Variants in ZNF536 observed in about 807,000 individuals in gnomAD.
ZNF536 encodes the protein zinc finger protein 536.
Under a neutral mutation model 84.5 loss-of-function variants are expected in ZNF536, and 13 were observed. The observed-to-expected ratio is 0.15, with a 90% CI of 0.10 to 0.24. The LOEUF (loss-of-function observed/expected upper bound fraction) is 0.24, where lower values mean the gene tolerates loss of function less well. Ranked by LOEUF, ZNF536 falls within the 10% of genes least tolerant of loss-of-function variation. ZNF536 has a pLI of 1.00. For synonymous variants in ZNF536, 811 were observed against 742.5 expected, an observed-to-expected ratio of 1.09 and a Z score of -1.50; for missense variants, 1,536 against 1,747.5, an observed-to-expected ratio of 0.88 and a Z score of 2.16.
intron 1 of ZNF536, among the ~76,000 whole-genome samples, chr19:30,708,886 T>C (rs1286654412): frequency 6.6e-6 from 1 of 152,186 alleles, no homozygotes; most frequent in Admixed American, 6.5e-5. Context: ...GTGCTGAATA[T>C]GTGTTTGCTT....
intron 2 of ZNF536, among the ~76,000 whole-genome samples, chr19:30,460,022 A>G (rs1439672122): frequency 6.6e-6 from 1 of 152,204 alleles, no homozygotes; most frequent in African/African-American, 2.4e-5. Flanking sequence ...CGGCAACCCC[A>G]TGGACTTACC....
rs184520043 is a variant in ZNF536, at chr19:30,453,480, G to A, written c.2170+7748G>A. On this transcript the variant is annotated intron_variant, in intron 2 of 4. Transcript: ENST00000355537. The stretch of plus-strand genomic sequence containing the variant: ...TATATTGTGAGTATGATGGGGTGGC[G>A]CCAGCCGGGATTGGTCAGTGACTGT... Among the ~76,000 whole-genome samples the A allele has an allele frequency of 5.6e-3, 853 of 152,308 alleles. 4 individuals carry two copies. Among genetic ancestry groups the A allele is most frequent in the African/African-American group, 0.019 (796 of 41,584 alleles).
intron 2 of ZNF536, among the ~76,000 whole-genome samples, chr19:30,493,876 A>G (rs2054610063): frequency 6.6e-6 from 1 of 152,170 alleles, no homozygotes; most frequent in African/African-American, 2.4e-5. Flanking sequence ...GTTGAGCTCA[A>G]GTTTTCTAGG....
chr19:30,255,134 G>A (rs1166308441), intron 1 of ZNF536, among the ~76,000 whole-genome samples: 1 of 152,044 alleles, frequency 6.6e-6, no homozygotes, highest in Non-Finnish European at 1.5e-5. Context: ...CTCAAGATAG[G>A]GGCAATGATA....
At chr19:30,685,464 T>C (rs2051139532) in intron 1 of ZNF536, among the ~76,000 whole-genome samples, 1 of 151,998 alleles carries the variant, frequency 6.6e-6, no homozygotes, top group African/African-American at 2.4e-5. Flanking sequence ...AACCAAACTC[T>C]GGTATCCCCA....
intron 1 of ZNF536, among the ~76,000 whole-genome samples, chr19:30,398,572 A>G (rs1027112556): frequency 3.3e-5 from 5 of 151,922 alleles, no homozygotes; most frequent in African/African-American, 1.2e-4. Flanking sequence ...CCAGTGTGTG[A>G]TGTTCCCCTC....
At chr19:30,649,549 C>CTTTTTTTTTTTTTTTTTT (rs35137042) in intron 1 of ZNF536, among the ~76,000 whole-genome samples, 1 of 123,882 alleles carries the variant, frequency 8.1e-6, no homozygotes. Flanking sequence ...CAGCATTTTC[C>CTTTTTTTTTTTTTTTTTT]TTTTTTTTTT....
At chr19:30,350,921 A>G (rs757515300) in intron 2 of ZNF536, among the ~76,000 whole-genome samples, 1 of 152,210 alleles carries the variant, frequency 6.6e-6, no homozygotes, top group South Asian at 2.1e-4. Context: ...AAGTCTCAGA[A>G]TGTTTCAGCT....
intron 1 of ZNF536, among the ~76,000 whole-genome samples, chr19:30,687,837 T>A (rs1010949567): frequency 2.6e-5 from 4 of 151,942 alleles, no homozygotes; most frequent in African/African-American, 7.3e-5. Context: ...ACCTTTGGAT[T>A]TTTTTAAAAA....
At chr19:30,526,585 G>A (rs1021091329) in intron 2 of ZNF536, among the ~76,000 whole-genome samples, 9 of 145,404 alleles carry the variant, frequency 6.2e-5, no homozygotes, top group Admixed American at 6.9e-5. Context: ...TTAGCCGGGC[G>A]TAGTGGCGGG....
chr19:30,413,981 T>C, intron 1 of ZNF536, among the ~76,000 whole-genome samples: 1 of 151,488 alleles, frequency 6.6e-6, no homozygotes, highest in Non-Finnish European at 1.5e-5. Flanking sequence ...TAATCCCAGC[T>C]ACTCAGGAGG....
At chr19:30,510,178 G>A (rs573326979) in intron 2 of ZNF536, among the ~76,000 whole-genome samples, 9 of 152,078 alleles carry the variant, frequency 5.9e-5, no homozygotes, top group Admixed American at 2.0e-4. Context: ...ATCTGTTTCC[G>A]ATTACTAACT....
chr19:30,263,664 A>G (rs1437610722), intron 1 of ZNF536, among the ~76,000 whole-genome samples: 1 of 152,216 alleles, frequency 6.6e-6, no homozygotes, highest in Non-Finnish European at 1.5e-5. Flanking sequence ...TACACTAATC[A>G]GATTTTCAGC....
At chr19:30,269,616 T>G (rs2025711761) in intron 1 of ZNF536, among the ~76,000 whole-genome samples, 1 of 152,148 alleles carries the variant, frequency 6.6e-6, no homozygotes, top group Non-Finnish European at 1.5e-5. Flanking sequence ...ATTTCGACAT[T>G]TGGGTCTAAA....
chr19:30,408,932 T>C (rs1371837406), intron 1 of ZNF536, among the ~76,000 whole-genome samples: 1 of 151,258 alleles, frequency 6.6e-6, no homozygotes, highest in African/African-American at 2.4e-5. Context: ...CATTCATCCA[T>C]CCACTCATCC....
At chr19:30,381,570 G>A (rs1213587103) in intron 1 of ZNF536, among the ~76,000 whole-genome samples, 1 of 152,210 alleles carries the variant, frequency 6.6e-6, no homozygotes, top group Non-Finnish European at 1.5e-5. Flanking sequence ...CTGGCACGCT[G>A]GAGGATTTGG....
At chr19:30,663,810 A>G (rs565713830) in intron 1 of ZNF536, among the ~76,000 whole-genome samples, 18 of 152,364 alleles carry the variant, frequency 1.2e-4, no homozygotes, top group Admixed American at 1.1e-3. Flanking sequence ...TGATCGTGGA[A>G]TTAAAAAATA....
chr19:30,416,289 A>ATT (rs200146840), intron 1 of ZNF536, among the ~76,000 whole-genome samples: 87 of 132,548 alleles, frequency 6.6e-4, no homozygotes, highest in African/African-American at 2.3e-3. Context: ...TGTCCTCTGA[A>ATT]TTTTTTTTTT....
intron 1 of ZNF536, among the ~76,000 whole-genome samples, chr19:30,392,985 A>G (rs967361744): frequency 6.6e-6 from 1 of 152,228 alleles, no homozygotes; most frequent in Non-Finnish European, 1.5e-5. Context: ...TCTGTATGGC[A>G]CAAGATGATA....
Sources: allele counts gnomAD v4.1 joint callset (sites outside exome capture counted in the v4.1 genomes callset), GRCh38; gene constraint gnomAD v4.1.1; transcripts MANE v1.5; gene names NCBI Gene and HGNC (gene_info 2026-07-23, HGNC 2026-07-21).